Variants in IQCH observed in about 807,000 individuals in gnomAD.
The protein encoded by IQCH is IQ motif containing H, also known as IQ domain-containing protein H.
IQCH carries 98 observed loss-of-function variants against 117.0 expected under a neutral mutation model. That is an observed-to-expected ratio of 0.84 (90% CI 0.71 to 0.99). The LOEUF (loss-of-function observed/expected upper bound fraction) is 0.99. Ranked by LOEUF, IQCH falls within the 50% of genes least tolerant of loss-of-function variation. The pLI is 0.00. For missense variants in IQCH, 1,102 were observed against 1,243.8 expected (o/e 0.89, Z 1.72); for synonymous variants, 412 against 448.2 (o/e 0.92, Z 1.02).
intron 16 of IQCH, among the ~76,000 whole-genome samples, chr15:67,428,344 T>C (rs1192955890): frequency 1.3e-5 from 2 of 152,092 alleles, no homozygotes; most frequent in Non-Finnish European, 1.5e-5. Flanking sequence ...AGATATATAC[T>C]AAGATGTTAC....
At chr15:67,337,160 C>A in intron 5 of IQCH, 65 bp downstream of exon 5, 1 of 1,572,264 alleles carries the variant, frequency 6.4e-7, no homozygotes, top group Non-Finnish European at 8.7e-7. Context: ...GAGGTAGGAT[C>A]GGAGGCCTGA....
At chr15:67,309,859 A>G (rs898978254) in intron 4 of IQCH, among the ~76,000 whole-genome samples, 1 of 150,790 alleles carries the variant, frequency 6.6e-6, no homozygotes, top group East Asian at 1.9e-4. Flanking sequence ...TAAGCAAATT[A>G]CATTTCAGAT....
At position 67,422,167 on chromosome 15, in the gene IQCH, A is replaced by T. The variant is rs1384324644; in HGVS notation, c.2505+590A>T. On this transcript the variant is annotated intron_variant, in intron 16 of 20. Coordinates refer to ENST00000335894, the MANE Select transcript of IQCH (RefSeq NM_001031715.3). The surrounding 1 kb of genome is among the most constrained non-coding windows in gnomAD (Gnocchi z 4.7). ...CACAGCTCTTTTGATTAGGCCCTCA[A>T]TTCTGTCCATTAGTGTTATCCCTAT... Among the ~76,000 whole-genome samples the T allele has an allele frequency of 6.6e-6, 1 of 151,986 alleles. No homozygotes were observed. The highest frequency in any genetic ancestry group is 2.4e-5 in the African/African-American group (1 of 41,372).
chr15:67,498,355 C>A (rs973222648), intron 20 of IQCH, among the ~76,000 whole-genome samples: 1 of 152,080 alleles, frequency 6.6e-6, no homozygotes, highest in Non-Finnish European at 1.5e-5. Flanking sequence ...GTGGCTCACA[C>A]CTGTAATCCC....
Position 67,474,888 on chromosome 15 carries a change from T to C in IQCH, c.2677-808T>C, listed in dbSNP as rs1174596738. On this transcript the variant is annotated intron_variant, in intron 17 of 20. Transcript: ENST00000335894. This position sits in a 1 kb window ranked among gnomAD's most constrained non-coding sequence, Gnocchi z 4.1. ...TACCCTTGATATGAAGTGAGGAAAA[T>C]GGCAGTTTGCCCACGTGGTCTTCCT... Among the ~76,000 whole-genome samples the C allele has an allele frequency of 1.3e-5, 2 of 152,190 alleles. No homozygotes were observed. The highest frequency in any genetic ancestry group is 2.9e-5 in the Non-Finnish European group (2 of 68,038).
intron 3 of IQCH, among the ~76,000 whole-genome samples, chr15:67,277,969 G>A (rs983660852): frequency 6.6e-6 from 1 of 152,122 alleles, no homozygotes; most frequent in Non-Finnish European, 1.5e-5. Flanking sequence ...CTGTAAATGT[G>A]GTGGTAAAGT....
chr15:67,318,806 G>A (rs1489989052), intron 4 of IQCH, among the ~76,000 whole-genome samples: 1 of 152,214 alleles, frequency 6.6e-6, no homozygotes, highest in South Asian at 2.1e-4. Flanking sequence ...CTTGTTAGAT[G>A]AATGGTGCCA....
At position 67,421,593 on chromosome 15, in the gene IQCH, G is replaced by A. The variant is rs1267858246; in HGVS notation, c.2505+16G>A. 2 of 1,613,262 alleles carry A rather than the reference G, an allele frequency of 1.2e-6. No individual in the cohort carries two copies. Among genetic ancestry groups the A allele is most frequent in the Admixed American group, 3.3e-5 (2 of 59,896 alleles). On this transcript the variant is annotated intron_variant, in intron 16 of 20. Transcript: ENST00000335894. ...GGAACAACAGGTAAGTTGAATGGAT[G>A]CCATACGAAATGCTAAAATATGTAA...
chr15:67,321,511 CTT>C (rs150373017), intron 4 of IQCH, among the ~76,000 whole-genome samples: 1 of 128,066 alleles, frequency 7.8e-6, no homozygotes, highest in African/African-American at 3.1e-5. Context: ...TTCTTTCTTT[CTT>C]TTTCTTTCTT....
At chr15:67,429,516 T>C (rs902374989) in intron 16 of IQCH, among the ~76,000 whole-genome samples, 5 of 151,948 alleles carry the variant, frequency 3.3e-5, no homozygotes, top group African/African-American at 1.2e-4. Context: ...AGACCCTGTC[T>C]CAAAAAAATA....
intron 4 of IQCH, among the ~76,000 whole-genome samples, chr15:67,323,896 G>C (rs1255900722): frequency 2.0e-5 from 3 of 149,870 alleles, no homozygotes; most frequent in Non-Finnish European, 4.4e-5. Flanking sequence ...GTTGTCATCT[G>C]AAGTCATTTT....
At chr15:67,357,462 T>C in intron 7 of IQCH, 41 bp downstream of exon 7, 1 of 1,223,902 alleles carries the variant, frequency 8.2e-7, no homozygotes, top group Non-Finnish European at 1.2e-6. Context: ...TTATTCTTAT[T>C]TACAGCACTT....
intron 8 of IQCH, among the ~76,000 whole-genome samples, chr15:67,362,264 G>A (rs1190024715): frequency 1.3e-5 from 2 of 151,700 alleles, no homozygotes; most frequent in Non-Finnish European, 2.9e-5. Context: ...TTCTCTGTGT[G>A]TTTAAAACTT....
Position 67,421,310 on chromosome 15 carries a change from C to T in IQCH, c.2238C>T (p.Phe746=), listed in dbSNP as rs781444489. The change falls in exon 16 of 21, where the codon TTC becomes TTT. Residue 746 remains phenylalanine (F), a synonymous_variant. Transcript: ENST00000335894. The stretch of plus-strand genomic sequence containing the variant: ...CACCAGGGGGTGTGATCGAAGCATT[C>T]CCACCTGCAGACAATGTCACCAACC... ...FLSQGGVIEA[F]PPADNVTNLT... is the part of the protein sequence containing the mutation. 6.2e-7 allele frequency: 1 copy of T among 1,613,934 alleles called. No homozygotes were observed. The highest frequency in any genetic ancestry group is 8.5e-7 in the Non-Finnish European group (1 of 1,179,954).
At chr15:67,334,035 G>A (rs1968784723) in intron 4 of IQCH, among the ~76,000 whole-genome samples, 1 of 152,124 alleles carries the variant, frequency 6.6e-6, no homozygotes, top group East Asian at 1.9e-4. Flanking sequence ...TCCAGCCTGG[G>A]TGACAGAGTA....
At chr15:67,307,050 A>G in intron 4 of IQCH, 2 of 1,296,156 alleles carry the variant, frequency 1.5e-6, no homozygotes, top group Non-Finnish European at 2.0e-6. Flanking sequence ...GCATAACAAA[A>G]TAGCCAAACC....
At chr15:67,302,412 A>T (rs1197346216) in intron 4 of IQCH, among the ~76,000 whole-genome samples, 2 of 152,164 alleles carry the variant, frequency 1.3e-5, no homozygotes, top group African/African-American at 4.8e-5. Context: ...TTACCCACAG[A>T]AGAAAAGCCA....
At chr15:67,486,797 ATT>A (rs2083494296) in intron 18 of IQCH, among the ~76,000 whole-genome samples, 1 of 152,234 alleles carries the variant, frequency 6.6e-6, no homozygotes, top group Non-Finnish European at 1.5e-5. Flanking sequence ...TATTGAAAAT[ATT>A]GTCATTTCAG....
rs1424075507 is a variant in IQCH, at chr15:67,422,290, A to AT, written c.2505+716dup. 1.3e-5 allele frequency among the ~76,000 whole-genome samples: 2 copies of AT among 152,136 alleles called. No homozygotes were observed. The highest frequency in any genetic ancestry group is 6.6e-5 in the Admixed American group (1 of 15,266). On this transcript the variant is annotated intron_variant, in intron 16 of 20. Transcript: ENST00000335894. The surrounding 1 kb of genome is among the most constrained non-coding windows in gnomAD (Gnocchi z 4.7). ...CACTAGAAAGGAGTTAAGAGTTCAC[A>AT]TTTCTGTTCCTTTTCTTATCAGACA...
Sources: allele counts gnomAD v4.1 joint callset (sites outside exome capture counted in the v4.1 genomes callset), GRCh38; gene constraint gnomAD v4.1.1; non-coding constraint Gnocchi (gnomAD v3.1); transcripts MANE v1.5; gene names NCBI Gene and HGNC (gene_info 2026-07-23, HGNC 2026-07-21).